The following XRN1 variants were observed in gnomAD, a reference collection of about 807,000 sequenced individuals.
XRN1 encodes the protein strand-exchange protein 1 homolog.
XRN1 carries 67 observed loss-of-function variants against 222.3 expected under a neutral mutation model. The ratio of observed to expected loss-of-function variants is 0.30; its 90% CI spans 0.25 to 0.37. The LOEUF (loss-of-function observed/expected upper bound fraction) is 0.37. XRN1 is among the 10% of genes least tolerant of loss of function. The probability of loss-of-function intolerance (pLI) is 1.00; values close to 1 mark genes in which losing one functional copy is unlikely to be tolerated. For synonymous variants in XRN1, 643 were observed against 652.4 expected (o/e 0.99, Z 0.22); for missense variants, 1,707 against 2,000.2 (o/e 0.85, Z 2.80).
Position 142,345,067 on chromosome 3 carries a change from T to C in XRN1, c.3877+2167A>G, listed in dbSNP as rs181006931. On this transcript the variant is annotated intron_variant, in intron 33 of 40. Transcript: ENST00000392981. ...GGGCATATACATTAGTGGAATGGAA[T>C]TGAGAGTCCAGAAATGAACCCATAC... Among the ~76,000 whole-genome samples, 488 of 152,306 alleles carry C rather than the reference T, an allele frequency of 3.2e-3. 2 individuals carry two copies. The highest frequency in any genetic ancestry group is 9.6e-3 in the African/African-American group (399 of 41,562).
At chr3:142,376,067 G>A in intron 24 of XRN1, 123 bp from the exon 25 acceptor site, 1 of 1,365,858 alleles carries the variant, frequency 7.3e-7, no homozygotes, top group Non-Finnish European at 9.4e-7. Context: ...GCTCAGTTTT[G>A]ATTATTCTTC....
Position 142,307,866 on chromosome 3 carries a change from G to T in XRN1, c.*3645C>A, listed in dbSNP as rs562638365. 1.3e-5 allele frequency: 2 copies of T among 152,228 alleles called. No homozygotes were observed. Among genetic ancestry groups the T allele is most frequent in the African/African-American group, 4.8e-5 (2 of 41,544 alleles). The allele number at this position is 152,228 out of a possible 1,614,324, so 9.4% of individuals were successfully genotyped here. A position where few individuals can be genotyped will look rare whatever the true frequency, so the allele number is the denominator to read the frequency against. On this transcript the variant is annotated 3_prime_UTR_variant, in exon 41 of 41. Coordinates refer to ENST00000392981, the MANE Select transcript of XRN1 (RefSeq NM_001282857.2). ...ATTTATCTCTAGAAAAATGACAAATGAACTTCTGCAATTGATTTTTAAAGA... is the reference window on the plus strand; with the variant it reads ...ATTTATCTCTAGAAAAATGACAAATTAACTTCTGCAATTGATTTTTAAAGA...
chr3:142,390,551 T>C (rs2107973897), intron 20 of XRN1, among the ~76,000 whole-genome samples: 1 of 152,322 alleles, frequency 6.6e-6, no homozygotes, highest in Middle Eastern at 3.4e-3. Flanking sequence ...TGAAGAAAGG[T>C]AGGGCCTTAC....
intron 37 of XRN1, among the ~76,000 whole-genome samples, chr3:142,328,757 A>G (rs2065606791): frequency 8.1e-5 from 4 of 49,096 alleles, no homozygotes; most frequent in African/African-American, 9.8e-5. Flanking sequence ...ATATATATAT[A>G]TATATATATA....
intron 29 of XRN1, among the ~76,000 whole-genome samples, chr3:142,360,701 A>C (rs113785658): frequency 0.12 from 18,117 of 148,094 alleles, 1,112 homozygotes; most frequent in Non-Finnish European, 0.14. Context: ...CGTCTCTACT[A>C]AAAATAAAAA....
intron 33 of XRN1, among the ~76,000 whole-genome samples, chr3:142,345,279 C>T (rs530419389): frequency 2.0e-4 from 30 of 152,136 alleles, no homozygotes; most frequent in African/African-American, 7.0e-4. Context: ...AATGGGGTGT[C>T]AAGAAAATTC....
At chr3:142,407,744 A>G (rs2068400067) in intron 15 of XRN1, 1 of 151,830 alleles carries the variant, frequency 6.6e-6, no homozygotes. Flanking sequence ...TTTTTTTTTT[A>G]AGTATATGTA....
chr3:142,319,246 T>C (rs2065285773), intron 37 of XRN1, among the ~76,000 whole-genome samples: 1 of 152,214 alleles, frequency 6.6e-6, no homozygotes, highest in South Asian at 2.1e-4. Context: ...TTCTAATGGC[T>C]ACTTTCACAC....
intron 23 of XRN1, among the ~76,000 whole-genome samples, chr3:142,379,595 G>A (rs949965331): frequency 1.3e-5 from 2 of 152,208 alleles, no homozygotes; most frequent in Admixed American, 6.5e-5. Context: ...AAGAACGCCA[G>A]TGGAATTTTT....
rs139893951 is a variant in XRN1, at chr3:142,389,167, C to T, written c.2340-4482G>A. On this transcript the variant is annotated intron_variant, in intron 20 of 40. Transcript: ENST00000392981. The stretch of plus-strand genomic sequence containing the variant: ...GGTGGAGGTTGCAGTGAGCCGAGAT[C>T]GCACCACTGCACTCTGGCTTGGGTG... 1.2e-3 allele frequency among the ~76,000 whole-genome samples: 186 copies of T among 152,284 alleles called. 2 individuals carry two copies. The South Asian group carries it at 0.028, about 23-fold the overall frequency.
At position 142,416,942 on chromosome 3, in the gene XRN1, T is replaced by C. The variant is rs142344628; in HGVS notation, c.1436+198A>G. Among the ~76,000 whole-genome samples the C allele has an allele frequency of 5.9e-3, 883 of 148,412 alleles. 10 individuals carry two copies. Among genetic ancestry groups the C allele is most frequent in the African/African-American group, 0.021 (833 of 40,160 alleles). On this transcript the variant is annotated intron_variant, in intron 13 of 40. Coordinates refer to ENST00000392981, the MANE Select transcript of XRN1 (RefSeq NM_001282857.2). ...AGCTACTCAGGGGGTTGAGGCAGAA[T>C]TGCTTGAACCCAGGAGGCGGAGATT...
Position 142,421,159 on chromosome 3 carries a change from C to T in XRN1, c.1036-6G>A. The T allele has an allele frequency of 1.3e-6, 2 of 1,563,638 alleles. No individual in the cohort carries two copies. The highest frequency in any genetic ancestry group is 2.3e-5 in the East Asian group (1 of 43,998). Reference sequence around the variant, plus strand: ...CTGAAGTGCTCCCGATCAAACTGTACAGAAATATTTAAATTTATTTTTAAA... The same window carrying T: ...CTGAAGTGCTCCCGATCAAACTGTATAGAAATATTTAAATTTATTTTTAAA... On this transcript the variant is annotated splice_polypyrimidine_tract_variant and splice_region_variant and intron_variant, in intron 9 of 40. Coordinates refer to ENST00000392981, the MANE Select transcript of XRN1 (RefSeq NM_001282857.2).
At chr3:142,401,921 C>T (rs1232359924) in intron 18 of XRN1, among the ~76,000 whole-genome samples, 12 of 152,278 alleles carry the variant, frequency 7.9e-5, no homozygotes, top group African/African-American at 2.9e-4. Flanking sequence ...CAGATTTATG[C>T]AGCTTACATC....
At position 142,319,068 on chromosome 3, in the gene XRN1, C is replaced by T. The variant is rs543536836; in HGVS notation, c.4405-165G>A. On this transcript the variant is annotated intron_variant, in intron 37 of 40. Transcript: ENST00000392981. ...AAAAATTTTCGAGTTGTTGCCTTAT[C>T]TTTTTCAGTGTTTACAAAATAAAAA... is the stretch of plus-strand genomic sequence containing the variant. 9.2e-5 allele frequency among the ~76,000 whole-genome samples: 14 copies of T among 152,272 alleles called. No individual in the cohort carries two copies. In the East Asian group the frequency reaches 2.1e-3, roughly 23 times the overall value.
intron 20 of XRN1, among the ~76,000 whole-genome samples, chr3:142,386,309 T>C (rs1214784489): frequency 1.3e-5 from 2 of 152,010 alleles, no homozygotes; most frequent in African/African-American, 4.8e-5. Context: ...AATCCAATTA[T>C]GTATAAAAGG....
chr3:142,410,339 G>T (rs998324604), intron 15 of XRN1, among the ~76,000 whole-genome samples: 2 of 151,898 alleles, frequency 1.3e-5, no homozygotes, highest in Non-Finnish European at 2.9e-5. Flanking sequence ...AAATATTCTT[G>T]GTCAGATAGT....
Position 142,404,961 on chromosome 3 carries a change from A to T in XRN1, c.1829T>A (p.Ile610Asn), listed in dbSNP as rs1361222725. ...CTTTTCTGGCCATGGAGAAGGATAG[A>T]TAAACTCTGTGTCTCTATCATACCA... Reference protein sequence around the residue: ...MCWYDRDTEFIYPSPWPEKFP... With the variant: ...MCWYDRDTEFNYPSPWPEKFP... Residue 610 changes from isoleucine (I) to asparagine (N), a missense_variant, in exon 16 of 41, where the codon ATC becomes AAC. Coordinates refer to ENST00000392981, the MANE Select transcript of XRN1 (RefSeq NM_001282857.2). The T allele has an allele frequency of 1.2e-6, 2 of 1,613,942 alleles. No individual in the cohort carries two copies. The highest frequency in any genetic ancestry group is 1.7e-6 in the Non-Finnish European group (2 of 1,179,950).
intron 13 of XRN1, among the ~76,000 whole-genome samples, chr3:142,416,842 G>A (rs905925150): frequency 3.9e-4 from 60 of 151,900 alleles, no homozygotes; most frequent in African/African-American, 1.4e-3. Flanking sequence ...GACTAGCCTG[G>A]CCAACATGGC....
chr3:142,364,942 C>T lies in XRN1; in HGVS notation c.3394+105G>A. 3.3e-6 allele frequency: 4 copies of T among 1,202,476 alleles called. No individual in the cohort carries two copies. The South Asian group carries it at 5.4e-5, about 16-fold the overall frequency. The allele number at this position is 1,202,476 out of a possible 1,614,324, so 74.5% of individuals were successfully genotyped here. A position where few individuals can be genotyped will look rare whatever the true frequency, so the allele number is the denominator to read the frequency against. On this transcript the variant is annotated intron_variant, in intron 29 of 40. Transcript: ENST00000392981. The stretch of plus-strand genomic sequence containing the variant: ...CTAAAACATAAAAAGATTGTTTGTT[C>T]CTGATTTATAGTCACTTTCTGGTTA...
Sources: gnomAD v4.1 joint callset for allele counts (sites outside exome capture counted in the v4.1 genomes callset) on GRCh38, gnomAD v4.1.1 for gene constraint, MANE v1.5 for transcripts, NCBI Gene and HGNC (gene_info 2026-07-23, HGNC 2026-07-21) for gene names.